ERG: variants seen among roughly 807,000 people sequenced by gnomAD.
The protein encoded by ERG is transcriptional regulator ERG.
Under a neutral mutation model 55.3 loss-of-function variants are expected in ERG, and 9 were observed. The ratio of observed to expected loss-of-function variants is 0.16; its 90% CI spans 0.10 to 0.28. ERG has a LOEUF of 0.28. Among genes scored for constraint, ERG ranks in the 10% least tolerant of loss-of-function variants. The probability of loss-of-function intolerance (pLI) is 1.00; values close to 1 mark genes in which losing one functional copy is unlikely to be tolerated. For synonymous variants in ERG, 223 were observed against 237.3 expected (o/e 0.94, Z 0.55); for missense variants, 434 against 631.6 (o/e 0.69, Z 3.35).
intron 1 of ERG, among the ~76,000 whole-genome samples, chr21:38,618,704 A>G (rs9976303): frequency 0.24 from 35,993 of 152,162 alleles, 4,515 homozygotes; most frequent in East Asian, 0.35. Flanking sequence ...TTTACAACAC[A>G]GACCTCTCAG....
intron 1 of ERG, among the ~76,000 whole-genome samples, chr21:38,469,011 A>G (rs1480250515): frequency 7.2e-6 from 1 of 139,442 alleles, no homozygotes; most frequent in East Asian, 2.0e-4. Context: ...AGAAAAAAAA[A>G]AAAGAAAATG....
intron 1 of ERG, among the ~76,000 whole-genome samples, chr21:38,632,957 T>C (rs1443616163): frequency 6.6e-6 from 1 of 152,158 alleles, no homozygotes; most frequent in African/African-American, 2.4e-5. Flanking sequence ...CTAATCACAA[T>C]AGCCAAGAAG....
chr21:38,576,910 C>T (rs910061628), intron 1 of ERG, among the ~76,000 whole-genome samples: 5 of 152,206 alleles, frequency 3.3e-5, no homozygotes, highest in Non-Finnish European at 7.3e-5. Context: ...CTCCAGCCTC[C>T]AGTACCTGGT....
intron 2 of ERG, among the ~76,000 whole-genome samples, chr21:38,440,528 G>C (rs1305476202): frequency 6.6e-6 from 1 of 152,122 alleles, no homozygotes; most frequent in Non-Finnish European, 1.5e-5. Context: ...TTCGTAAAGA[G>C]CCCATAGTGA....
intron 2 of ERG, among the ~76,000 whole-genome samples, chr21:38,523,842 C>T (rs1408090793): frequency 6.6e-6 from 1 of 152,176 alleles, no homozygotes; most frequent in African/African-American, 2.4e-5. Context: ...TCTCAGGTGC[C>T]TCCACTCTCC....
intron 1 of ERG, among the ~76,000 whole-genome samples, chr21:38,623,317 C>T (rs1207954328): frequency 6.6e-5 from 7 of 106,622 alleles, no homozygotes; most frequent in South Asian, 6.6e-4. Flanking sequence ...ACACCACATA[C>T]GCACCACACA....
intron 1 of ERG, among the ~76,000 whole-genome samples, chr21:38,484,956 T>C (rs1215136211): frequency 6.6e-6 from 1 of 152,172 alleles, no homozygotes; most frequent in Non-Finnish European, 1.5e-5. Flanking sequence ...GGTTTACATA[T>C]TTACTATACC....
intron 1 of ERG, among the ~76,000 whole-genome samples, chr21:38,583,225 AAG>A (rs1285541480): frequency 2.9e-4 from 44 of 152,240 alleles, no homozygotes; most frequent in Non-Finnish European, 5.6e-4. Context: ...GATTCCTGCC[AAG>A]CACACCAGGC....
At chr21:38,412,834 G>T (rs775508578) in intron 3 of ERG, among the ~76,000 whole-genome samples, 1 of 152,016 alleles carries the variant, frequency 6.6e-6, no homozygotes, top group Non-Finnish European at 1.5e-5. Context: ...TGTAATTTGC[G>T]GGTGGCAGAG....
chr21:38,595,828 G>A (rs1367379088), intron 1 of ERG, among the ~76,000 whole-genome samples: 1 of 152,192 alleles, frequency 6.6e-6, no homozygotes, highest in African/African-American at 2.4e-5. Flanking sequence ...CCTGCCTGGT[G>A]AACCAACATA....
intron 5 of ERG, among the ~76,000 whole-genome samples, chr21:38,402,042 C>T (rs1295418962): frequency 2.0e-5 from 3 of 152,152 alleles, no homozygotes; most frequent in Non-Finnish European, 4.4e-5. Context: ...GAAATTCCCT[C>T]CTGCCTTTTG....
intron 2 of ERG, among the ~76,000 whole-genome samples, chr21:38,523,326 T>G (rs1810608792): frequency 2.6e-5 from 4 of 152,228 alleles, no homozygotes; most frequent in Admixed American, 2.6e-4. Context: ...GCCATCTATT[T>G]TGTTATTCCT....
rs983529905 is a variant in ERG at position 38,392,372 on chromosome 21, G to T, written c.814+4C>A. On this transcript the variant is annotated splice_donor_region_variant and intron_variant, in intron 7 of 9. Transcript: ENST00000288319. The stretch of plus-strand genomic sequence containing the variant: ...ACTCAGGGTCATGGGAGCCAACACT[G>T]TACCTTTCGACTGGGGCGTGGGGTG... 3 of 1,562,916 alleles carry T rather than the reference G, an allele frequency of 1.9e-6. No homozygotes were observed. The highest frequency in any genetic ancestry group is 2.7e-5 in the African/African-American group (2 of 73,644).
intron 1 of ERG, among the ~76,000 whole-genome samples, chr21:38,639,382 C>A (rs2060409925): frequency 6.6e-6 from 1 of 150,770 alleles, no homozygotes; most frequent in South Asian, 2.1e-4. Context: ...AAAAAACTAT[C>A]ATTAAGATCC....
chr21:38,544,426 C>G (rs572697057), intron 2 of ERG, among the ~76,000 whole-genome samples: 1 of 152,254 alleles, frequency 6.6e-6, no homozygotes. Flanking sequence ...GATCCACGCA[C>G]AGGATCACGG....
At chr21:38,470,646 A>G (rs543882530) in intron 1 of ERG, 5 of 152,314 alleles carry the variant, frequency 3.3e-5, no homozygotes. Flanking sequence ...ACATTTTATA[A>G]TTACATTTGT....
At chr21:38,624,607 G>A (rs767976320) in intron 1 of ERG, among the ~76,000 whole-genome samples, 6 of 152,158 alleles carry the variant, frequency 3.9e-5, no homozygotes, top group Non-Finnish European at 7.3e-5. Flanking sequence ...GCGTAGGGCT[G>A]GGAAAAAGGT....
At position 38,445,523 on chromosome 21, in the gene ERG, G is replaced by A. The variant is rs777876570; in HGVS notation, c.117C>T (p.Ser39=). ...TCATCTTGGAAGTCTGTCCATAGTC[G>A]CTGGAGGAGGACGCGGTCATCTCTG... The part of the protein sequence containing the change: ...AKTEMTASSS[S]DYGQTSKMSP... The change falls in exon 2 of 10, where the codon AGC becomes AGT. Residue 39 remains serine (S), a synonymous_variant. Transcript: ENST00000288319. 18 of 1,614,086 alleles carry A rather than the reference G, an allele frequency of 1.1e-5. No homozygotes were observed. Among genetic ancestry groups the A allele is most frequent in the African/African-American group, 9.3e-5 (7 of 75,026 alleles).
At chr21:38,599,607 C>T (rs1240105694) in intron 1 of ERG, among the ~76,000 whole-genome samples, 3 of 152,186 alleles carry the variant, frequency 2.0e-5, no homozygotes, top group Non-Finnish European at 2.9e-5. Flanking sequence ...GGCTGGGAGC[C>T]GGCCATGGCC....
Sources: allele counts gnomAD v4.1 joint callset (sites outside exome capture counted in the v4.1 genomes callset), GRCh38; gene constraint gnomAD v4.1.1; transcripts MANE v1.5; gene names NCBI Gene and HGNC (gene_info 2026-07-23, HGNC 2026-07-21).